The following COL4A6 variants were observed in gnomAD, a reference collection of about 807,000 sequenced individuals.
The protein encoded by COL4A6 is collagen alpha-6(IV) chain.
Under a neutral mutation model 126.7 loss-of-function variants are expected in COL4A6, and 59 were observed. That is an observed-to-expected ratio of 0.47 (90% CI 0.38 to 0.58). The LOEUF is 0.58. Ranked by LOEUF, COL4A6 falls within the 20% of genes least tolerant of loss-of-function variation. The pLI is 0.00. For missense variants in COL4A6, 1,285 were observed against 1,337.3 expected (o/e 0.96, Z 0.61); for synonymous variants, 547 against 496.6 (o/e 1.10, Z -1.35).
At chrX:108,333,974 A>C (rs924127943) in intron 2 of COL4A6, among the ~76,000 whole-genome samples, 2 of 111,632 alleles carry the variant, frequency 1.8e-5, no homozygotes, top group African/African-American at 3.2e-5. Flanking sequence ...ATACTGCCCA[A>C]AGCAATCTAC....
chrX:108,201,434 T>C (rs1400133573), intron 13 of COL4A6, among the ~76,000 whole-genome samples: 1 of 112,140 alleles, frequency 8.9e-6, no homozygotes, highest in East Asian at 2.8e-4. Flanking sequence ...TATATACCTA[T>C]AAGACAATCA....
intron 2 of COL4A6, among the ~76,000 whole-genome samples, chrX:108,314,839 A>G (rs1393912465): frequency 1.8e-5 from 2 of 112,175 alleles, no homozygotes; most frequent in African/African-American, 3.2e-5. Flanking sequence ...GGAGGACTCA[A>G]TAAGATTAAG....
chrX:108,415,963 G>A (rs1369620939), intron 2 of COL4A6, among the ~76,000 whole-genome samples: 1 of 112,112 alleles, frequency 8.9e-6, no homozygotes, highest in Non-Finnish European at 1.9e-5. Flanking sequence ...ACCTCCAGGA[G>A]GATTTAAGCC....
chrX:108,171,446 G>T lies in COL4A6; in HGVS notation c.3218C>A (p.Thr1073Lys). The T allele has an allele frequency of 8.3e-7, 1 of 1,209,802 alleles. No individual in the cohort carries two copies. ...TCCTGGGCTACCGGAAATTTCAACT[G>T]TCTGGCCGTTGTCTCCTGAGGATTC... ...LPGLKGDNGQ[T>K]VEISGSPGPK... The change falls in exon 33 of 45, where the codon ACA becomes AAA. Residue 1073 changes from threonine to lysine, a missense_variant. Thr to Lys is a moderately conservative substitution (Grantham distance 78). Transcript: ENST00000334504.
In COL4A6 at chrX:108,280,989, G is replaced by A. The variant is rs748199716; in HGVS notation, c.144+29759C>T. On this transcript the variant is annotated intron_variant, in intron 3 of 44. Transcript: ENST00000334504. ...TCAATAAATTAGGTGTTGATTGGAC[G>A]TATCTCAAAATAATAAGAGCTATCT... Among the ~76,000 whole-genome samples, 384 of 109,877 alleles carry A rather than the reference G, an allele frequency of 3.5e-3. 2 individuals are homozygous for A. Among genetic ancestry groups the A allele is most frequent in the African/African-American group, 0.012 (372 of 30,127 alleles).
chrX:108,206,471 A>C lies in COL4A6; in HGVS notation c.609+47T>G, dbSNP rs748786746. 3.5e-6 allele frequency: 4 copies of C among 1,138,281 alleles called. No individual in the cohort carries two copies. In the Admixed American group the frequency reaches 8.7e-5, roughly 25 times the overall value. 93.8% of individuals were successfully genotyped at this position (1,138,281 alleles called of 1,213,427 possible). ...TGAATCCATAGTATGTAGGGAAAAC[A>C]ACCATGTGAACACTGTGATCACAAA... On this transcript the variant is annotated intron_variant, in intron 9 of 44. Coordinates refer to ENST00000334504, the MANE Select transcript of COL4A6 (RefSeq NM_033641.4).
At chrX:108,431,297 C>G (rs989497597) in intron 2 of COL4A6, among the ~76,000 whole-genome samples, 1 of 111,220 alleles carries the variant, frequency 9.0e-6, no homozygotes, top group Admixed American at 9.5e-5. Context: ...TGTCATAATC[C>G]CAAAAGACAC....
chrX:108,386,432 C>T (rs111230600), intron 2 of COL4A6, among the ~76,000 whole-genome samples: 134 of 111,947 alleles, frequency 1.2e-3, no homozygotes, highest in African/African-American at 4.0e-3. Flanking sequence ...TGAGATGGTA[C>T]CTCATTGTGG....
At chrX:108,214,349 C>A in intron 5 of COL4A6, 121 bp from the exon 6 acceptor site, 1 of 490,332 alleles carries the variant, frequency 2.0e-6, no homozygotes, top group Non-Finnish European at 3.6e-6. Flanking sequence ...ACTCCCTTAG[C>A]CCCATCATGT....
chrX:108,396,708 A>G (rs1238248282), intron 2 of COL4A6, among the ~76,000 whole-genome samples: 1 of 111,833 alleles, frequency 8.9e-6, no homozygotes, highest in East Asian at 2.8e-4. Flanking sequence ...CCTAAGATTT[A>G]TAAAATGATG....
intron 19 of COL4A6, among the ~76,000 whole-genome samples, chrX:108,190,743 A>T (rs1234857135): frequency 8.9e-6 from 1 of 112,358 alleles, no homozygotes; most frequent in Non-Finnish European, 1.9e-5. Context: ...CGTATTAGAC[A>T]GTGGGGTTAG....
At position 108,165,045 on chromosome X, in the gene COL4A6, A is replaced by T; in HGVS notation, c.3809-7T>A. The T allele has an allele frequency of 3.3e-6, 4 of 1,201,964 alleles. No homozygotes were observed. The South Asian group carries it at 5.3e-5, about 16-fold the overall frequency. On this transcript the variant is annotated splice_region_variant and splice_polypyrimidine_tract_variant and intron_variant, in intron 38 of 44. Coordinates refer to ENST00000334504, the MANE Select transcript of COL4A6 (RefSeq NM_033641.4). ...CCAGCGGGGCCTGGGCGGCCTAGGG[A>T]TAAGATCGGAAGAGGGGCGAGGGGC...
At chrX:108,385,634 T>C (rs898707379) in intron 2 of COL4A6, among the ~76,000 whole-genome samples, 5 of 112,156 alleles carry the variant, frequency 4.5e-5, no homozygotes, top group Non-Finnish European at 9.4e-5. Flanking sequence ...GGTACCACTG[T>C]AAGGACAGAG....
chrX:108,165,297 G>A lies in COL4A6; in HGVS notation c.3808+73C>T, dbSNP rs1239908224. 5.7e-5 allele frequency: 52 copies of A among 910,519 alleles called. No individual in the cohort carries two copies. In the Admixed American group the frequency reaches 8.8e-4, roughly 15 times the overall value. 75.0% of individuals were successfully genotyped at this position (910,519 alleles called of 1,213,427 possible). ...TGTCCAGCAACAGGGACTTGGCTGCGCTGTATACATGACTTCCCCAAATGT... is the reference window on the plus strand; with the variant it reads ...TGTCCAGCAACAGGGACTTGGCTGCACTGTATACATGACTTCCCCAAATGT... On this transcript the variant is annotated intron_variant, in intron 38 of 44. Transcript: ENST00000334504.
intron 2 of COL4A6, among the ~76,000 whole-genome samples, chrX:108,325,820 A>T (rs1569426389): frequency 9.0e-6 from 1 of 111,653 alleles, no homozygotes; most frequent in African/African-American, 3.2e-5. Flanking sequence ...AAAAAAAAAA[A>T]AACTATGATT....
chrX:108,309,318 C>T (rs751790415), intron 3 of COL4A6, among the ~76,000 whole-genome samples: 22 of 110,010 alleles, frequency 2.0e-4, no homozygotes, highest in Admixed American at 1.2e-3. Flanking sequence ...AAGCTGGTGA[C>T]GTAAATAGAT....
chrX:108,430,532 T>A (rs923961946), intron 2 of COL4A6, among the ~76,000 whole-genome samples: 3 of 111,798 alleles, frequency 2.7e-5, no homozygotes, highest in African/African-American at 9.8e-5. Context: ...ATAACTCTAG[T>A]GGCAATGTAG....
chrX:108,420,547 C>T (rs1288177009), intron 2 of COL4A6, among the ~76,000 whole-genome samples: 1 of 111,942 alleles, frequency 8.9e-6, no homozygotes, highest in Non-Finnish European at 1.9e-5. Flanking sequence ...TGTTTTCCTC[C>T]AGGCAGTTGA....
At chrX:108,312,267 T>C (rs1394064143) in intron 2 of COL4A6, among the ~76,000 whole-genome samples, 2 of 112,327 alleles carry the variant, frequency 1.8e-5, no homozygotes, top group East Asian at 5.6e-4. Context: ...TGGTCTCTTA[T>C]CTCTTTAGAC....
Sources: gnomAD v4.1 joint callset for allele counts (sites outside exome capture counted in the v4.1 genomes callset) on GRCh38, gnomAD v4.1.1 for gene constraint, MANE v1.5 for transcripts, NCBI Gene and HGNC (gene_info 2026-07-23, HGNC 2026-07-21) for gene names.